TXLNG: variants seen among roughly 807,000 people sequenced by gnomAD.
TXLNG encodes the protein gamma-taxilin.
In TXLNG, 5 loss-of-function variants were observed where a neutral mutation model predicts 38.8. The observed-to-expected ratio is 0.13, with a 90% confidence interval of 0.07 to 0.27. The LOEUF (loss-of-function observed/expected upper bound fraction) is 0.27. Ranked by LOEUF, TXLNG falls within the 10% of genes least tolerant of loss-of-function variation. The pLI is 1.00. For missense variants in TXLNG, 393 were observed against 398.2 expected (o/e 0.99, Z 0.11); for synonymous variants, 182 against 158.2 (o/e 1.15, Z -1.13).
At chrX:16,787,211 G>C (rs1569258524) in intron 1 of TXLNG, among the ~76,000 whole-genome samples, 1 of 111,803 alleles carries the variant, frequency 8.9e-6, no homozygotes, top group Non-Finnish European at 1.9e-5. Context: ...GGTGCGAGCG[G>C]GACGCTCGGC....
intron 1 of TXLNG, among the ~76,000 whole-genome samples, chrX:16,817,138 C>T (rs1382917702): frequency 8.9e-6 from 1 of 112,390 alleles, no homozygotes; most frequent in African/African-American, 3.2e-5. Context: ...TTCATTCTCA[C>T]TGCTTTGATA....
At chrX:16,822,415 C>T (rs773280689) in intron 3 of TXLNG, among the ~76,000 whole-genome samples, 14 of 111,549 alleles carry the variant, frequency 1.3e-4, no homozygotes, top group Non-Finnish European at 1.9e-4. Context: ...AGCTGGCATT[C>T]AGCAGCTTGG....
At chrX:16,822,773 AT>A (rs1929024546) in intron 3 of TXLNG, among the ~76,000 whole-genome samples, 1 of 112,162 alleles carries the variant, frequency 8.9e-6, no homozygotes, top group Admixed American at 9.4e-5. Flanking sequence ...ACAAACAGTG[AT>A]CTGGGGTGGT....
Position 16,843,535 on chromosome X carries a change from T to G in TXLNG, c.*1769T>G, listed in dbSNP as rs1929951039. 1 of 112,197 alleles carries G rather than the reference T, an allele frequency of 8.9e-6. No homozygotes were observed. The highest frequency in any genetic ancestry group is 1.9e-5 in the Non-Finnish European group (1 of 53,248). 9.2% of individuals were successfully genotyped at this position (112,197 alleles called of 1,213,427 possible). A position where few individuals can be genotyped will look rare whatever the true frequency, so the allele number is the denominator to read the frequency against. ...TAAAATACTAGACTCATTTCCCTGG[T>G]GGTGGGGGGGAATGCAGGTATAGAT... On this transcript the variant is annotated 3_prime_UTR_variant, in exon 10 of 10. Coordinates refer to ENST00000380122, the MANE Select transcript of TXLNG (RefSeq NM_018360.3).
chrX:16,814,233 C>T (rs1928648491), intron 1 of TXLNG, among the ~76,000 whole-genome samples: 1 of 112,195 alleles, frequency 8.9e-6, no homozygotes, highest in African/African-American at 3.2e-5. Context: ...TGTAGTCTCT[C>T]TGTATAAGGG....
At chrX:16,799,744 C>A (rs1471061222) in intron 1 of TXLNG, among the ~76,000 whole-genome samples, 5 of 110,837 alleles carry the variant, frequency 4.5e-5, no homozygotes, top group Non-Finnish European at 9.5e-5. Context: ...GAACTCCAGC[C>A]TGGGTGACAG....
At chrX:16,830,708 A>T (rs1249214782) in intron 5 of TXLNG, among the ~76,000 whole-genome samples, 1 of 106,059 alleles carries the variant, frequency 9.4e-6, no homozygotes, top group African/African-American at 3.4e-5. Context: ...TTTTTTTTTT[A>T]AAGATTTTAT....
chrX:16,801,465 C>A (rs1433022503), intron 1 of TXLNG, among the ~76,000 whole-genome samples: 1 of 111,901 alleles, frequency 8.9e-6, no homozygotes, highest in African/African-American at 3.2e-5. Flanking sequence ...GGATTGCAGG[C>A]GTGGGTCACC....
intron 7 of TXLNG, among the ~76,000 whole-genome samples, chrX:16,836,417 C>T (rs1237627182): frequency 1.8e-5 from 2 of 112,619 alleles, no homozygotes; most frequent in African/African-American, 6.4e-5. Context: ...CCAGGTCACC[C>T]TGCATTTCTC....
chrX:16,797,350 A>G (rs141021744), intron 1 of TXLNG, among the ~76,000 whole-genome samples: 14 of 111,605 alleles, frequency 1.3e-4, no homozygotes, highest in African/African-American at 3.6e-4. Context: ...TCACCCCAAA[A>G]CTTACTGACT....
intron 7 of TXLNG, among the ~76,000 whole-genome samples, chrX:16,836,210 C>A (rs534667686): frequency 6.3e-5 from 7 of 111,822 alleles, no homozygotes; most frequent in South Asian, 3.7e-4. Context: ...TGCAATGAGC[C>A]GTGATTGCGC....
At position 16,826,047 on chromosome X, in the gene TXLNG, AT is replaced by A. The variant is rs1161252698; in HGVS notation, c.499-2037del. Among the ~76,000 whole-genome samples the A allele has an allele frequency of 4.8e-3, 526 of 108,813 alleles. 1 individual carries two copies. The highest frequency in any genetic ancestry group is 7.2e-3 in the Non-Finnish European group (375 of 52,061). The allele number at this position is 108,813 out of a possible 115,157, so 94.5% of individuals were successfully genotyped here. Reference sequence around the variant, plus strand: ...AGTCAAAACAGCTAAAACCAAAAGGATTTTTTTTTTAGAGAAGTGCACACAG... The same window carrying A: ...AGTCAAAACAGCTAAAACCAAAAGGATTTTTTTTTAGAGAAGTGCACACAG... On this transcript the variant is annotated intron_variant, in intron 3 of 9. Transcript: ENST00000380122.
chrX:16,801,956 T>C (rs1168727485), intron 1 of TXLNG, among the ~76,000 whole-genome samples: 6 of 90,398 alleles, frequency 6.6e-5, no homozygotes, highest in Non-Finnish European at 1.1e-4. Context: ...CTTTCTTTTT[T>C]TTTTTTTTTT....
chrX:16,818,480 A>C (rs988369177), intron 1 of TXLNG, 94 bp from the exon 2 acceptor site: 3 of 1,036,793 alleles, frequency 2.9e-6, no homozygotes, highest in Non-Finnish European at 3.9e-6. Flanking sequence ...AGGAAGAAAA[A>C]ACTATCAGGC....
chrX:16,840,719 C>A (rs1295680002), intron 9 of TXLNG, among the ~76,000 whole-genome samples: 1 of 111,374 alleles, frequency 9.0e-6, no homozygotes, highest in Non-Finnish European at 1.9e-5. Context: ...TTGCAGTGAG[C>A]TGAGATTGCA....
chrX:16,796,659 T>G (rs776932688), intron 1 of TXLNG, among the ~76,000 whole-genome samples: 89 of 111,480 alleles, frequency 8.0e-4, no homozygotes, highest in African/African-American at 2.9e-3. Context: ...GCCTATTTGT[T>G]AGGTGTAGTT....
chrX:16,786,793 G>A (rs1403197455), intron 1 of TXLNG, among the ~76,000 whole-genome samples: 1 of 110,188 alleles, frequency 9.1e-6, no homozygotes, highest in African/African-American at 3.3e-5. Context: ...ACGACGGTTG[G>A]GGTTTGGCGG....
intron 3 of TXLNG, among the ~76,000 whole-genome samples, chrX:16,824,483 T>G (rs759792759): frequency 2.7e-5 from 3 of 112,341 alleles, no homozygotes; most frequent in African/African-American, 9.7e-5. Context: ...TTATTTTGAT[T>G]TATCAATAGA....
intron 7 of TXLNG, 61 bp downstream of exon 7, chrX:16,834,418 G>T (rs985308263): frequency 7.8e-6 from 8 of 1,021,493 alleles, no homozygotes; most frequent in Non-Finnish European, 9.5e-6. Flanking sequence ...CTTTGATTCT[G>T]CATATCTTCA....
Sources: gnomAD v4.1 joint callset for allele counts (sites outside exome capture counted in the v4.1 genomes callset) on GRCh38, gnomAD v4.1.1 for gene constraint, MANE v1.5 for transcripts, NCBI Gene and HGNC (gene_info 2026-07-23, HGNC 2026-07-21) for gene names.